LIPA: variants seen among roughly 807,000 people sequenced by gnomAD.
LIPA encodes lipase A, lysosomal acid type.
In LIPA, 26 loss-of-function variants were observed where a neutral mutation model predicts 40.6. The observed-to-expected ratio is 0.64, with a 90% CI of 0.47 to 0.89. The LOEUF (loss-of-function observed/expected upper bound fraction) is 0.89, where lower values mean the gene tolerates loss of function less well. Among genes scored for constraint, LIPA ranks in the 40% least tolerant of loss-of-function variants. LIPA has a pLI of 0.00. For missense variants in LIPA, 455 were observed against 479.6 expected, an observed-to-expected ratio of 0.95 and a Z score of 0.48; for synonymous variants, 188 against 168.4, an observed-to-expected ratio of 1.12 and a Z score of -0.90.
chr10:89,326,117 A>G (rs959567642), intron 1 of LIPA, among the ~76,000 whole-genome samples: 1 of 152,224 alleles, frequency 6.6e-6, no homozygotes, highest in Admixed American at 6.5e-5. Context: ...AAATCAGTAC[A>G]TCAAAGAGAT....
chr10:89,306,204 A>T, intron 1 of LIPA: 2 of 1,614,188 alleles, frequency 1.2e-6, no homozygotes, highest in Non-Finnish European at 1.7e-6. Flanking sequence ...TTAATCCAGC[A>T]AGAGCATGCT....
chr10:89,368,994 G>A (rs1844077439), intron 2 of LIPA, among the ~76,000 whole-genome samples: 1 of 151,752 alleles, frequency 6.6e-6, no homozygotes, highest in Admixed American at 6.6e-5. Context: ...CCCTGGCTCT[G>A]GAACTCTTTG....
At chr10:89,325,538 A>T in intron 1 of LIPA, among the ~76,000 whole-genome samples, 1 of 152,172 alleles carries the variant, frequency 6.6e-6, no homozygotes, top group Non-Finnish European at 1.5e-5. Context: ...TGCAGCCACA[A>T]AAAAAAGAAT....
At chr10:89,221,014 A>G (rs774251521) in intron 8 of LIPA, among the ~76,000 whole-genome samples, 8 of 152,116 alleles carry the variant, frequency 5.3e-5, no homozygotes, top group Non-Finnish European at 8.8e-5. Context: ...AGAAAATGCA[A>G]ACTAAGCTAC....
intron 2 of LIPA, among the ~76,000 whole-genome samples, chr10:89,412,116 G>A (rs1841474006): frequency 1.3e-5 from 2 of 152,148 alleles, no homozygotes; most frequent in Non-Finnish European, 2.9e-5. Context: ...TACACCTACA[G>A]GGCCCCTTCT....
chr10:89,248,536 G>T (rs371834363), intron 1 of LIPA, among the ~76,000 whole-genome samples: 1 of 142,168 alleles, frequency 7.0e-6, no homozygotes, highest in Non-Finnish European at 1.5e-5. Flanking sequence ...GTGCAGTGGC[G>T]CAATCTTGGC....
intron 1 of LIPA, among the ~76,000 whole-genome samples, chr10:89,303,937 G>A (rs896677539): frequency 3.2e-4 from 48 of 152,314 alleles, no homozygotes; most frequent in African/African-American, 1.2e-3. Flanking sequence ...ATGCAGTAGA[G>A]AGTGTGACTG....
chr10:89,309,395 AAC>A (rs1260477291), intron 1 of LIPA: 2 of 152,256 alleles, frequency 1.3e-5, no homozygotes, highest in African/African-American at 4.8e-5. Context: ...TCTAATGGAA[AAC>A]ACAAATCACA....
chr10:89,266,201 A>G (rs920506919), intron 1 of LIPA, among the ~76,000 whole-genome samples: 25 of 152,254 alleles, frequency 1.6e-4, no homozygotes, highest in African/African-American at 5.5e-4. Flanking sequence ...TGACGCAGAT[A>G]TTCCAGTGAT....
intron 1 of LIPA, among the ~76,000 whole-genome samples, chr10:89,278,767 C>T (rs936021408): frequency 1.3e-5 from 2 of 151,502 alleles, no homozygotes; most frequent in Non-Finnish European, 2.9e-5. Flanking sequence ...TATGGAAGAA[C>T]ACAAAATATA....
intron 2 of LIPA, among the ~76,000 whole-genome samples, chr10:89,354,108 T>A (rs1288673426): frequency 2.0e-5 from 3 of 152,228 alleles, no homozygotes; most frequent in East Asian, 1.9e-4. Flanking sequence ...GAATTAAGGT[T>A]GCTGCAGAAC....
At chr10:89,389,979 T>C (rs1000084873) in intron 2 of LIPA, among the ~76,000 whole-genome samples, 4 of 139,594 alleles carry the variant, frequency 2.9e-5, no homozygotes, top group South Asian at 2.3e-4. Flanking sequence ...TTCTTTCTTT[T>C]TTTTTTTTTT....
intron 1 of LIPA, chr10:89,306,361 T>C (rs1203395891): frequency 6.2e-7 from 1 of 1,613,766 alleles, no homozygotes; most frequent in Non-Finnish European, 8.5e-7. Flanking sequence ...GAATTGAGAG[T>C]CCAGAGCTTG....
chr10:89,279,914 G>A (rs1048807292), intron 1 of LIPA, among the ~76,000 whole-genome samples: 2 of 152,068 alleles, frequency 1.3e-5, no homozygotes, highest in African/African-American at 2.4e-5. Context: ...GGAATGCATC[G>A]TATTGAAAAA....
At chr10:89,348,651 A>G (rs1310848123) in intron 2 of LIPA, among the ~76,000 whole-genome samples, 1 of 152,212 alleles carries the variant, frequency 6.6e-6, no homozygotes, top group South Asian at 2.1e-4. Context: ...GTTTCTATAG[A>G]GAACCAAACA....
intron 2 of LIPA, among the ~76,000 whole-genome samples, chr10:89,376,108 A>G (rs1844119252): frequency 6.6e-6 from 1 of 151,462 alleles, no homozygotes; most frequent in Non-Finnish European, 1.5e-5. Context: ...GAATCACTTG[A>G]ACCTGGGAGG....
At chr10:89,258,205 A>G (rs1054201742) in intron 1 of LIPA, among the ~76,000 whole-genome samples, 1 of 152,226 alleles carries the variant, frequency 6.6e-6, no homozygotes, top group Non-Finnish European at 1.5e-5. Flanking sequence ...AATCTTTTTA[A>G]CAATGGTGCT....
At chr10:89,290,000 G>C (rs1013309197) in intron 1 of LIPA, among the ~76,000 whole-genome samples, 222 of 145,590 alleles carry the variant, frequency 1.5e-3, no homozygotes, top group African/African-American at 5.5e-3. Context: ...AAAAAAAAGG[G>C]TGGGGGGGAC....
intron 9 of LIPA, among the ~76,000 whole-genome samples, chr10:89,215,624 A>G (rs1348717871): frequency 6.6e-6 from 1 of 152,256 alleles, no homozygotes; most frequent in Non-Finnish European, 1.5e-5. Context: ...TAATCTGGCC[A>G]AGGCCCCATA....
Sources: gnomAD v4.1 joint callset for allele counts (sites outside exome capture counted in the v4.1 genomes callset) on GRCh38, gnomAD v4.1.1 for gene constraint, MANE v1.5 for transcripts, NCBI Gene and HGNC (gene_info 2026-07-23, HGNC 2026-07-21) for gene names.